Variants in CCDC149 observed in about 807,000 individuals in gnomAD.
The protein encoded by CCDC149 is coiled-coil domain containing 149.
CCDC149 carries 45 observed loss-of-function variants against 59.9 expected under a neutral mutation model. That is an observed-to-expected ratio of 0.75 (90% CI 0.59 to 0.96). The LOEUF is 0.96. CCDC149 is among the 40% of genes least tolerant of loss of function. The pLI is 0.00. For synonymous variants in CCDC149, 245 were observed against 260.6 expected (o/e 0.94, Z 0.58); for missense variants, 584 against 664.7 (o/e 0.88, Z 1.33).
chr4:24,942,196 C>A (rs1722973984), intron 1 of CCDC149, among the ~76,000 whole-genome samples: 1 of 152,180 alleles, frequency 6.6e-6, no homozygotes, highest in South Asian at 2.1e-4. Flanking sequence ...AGCTTATCCA[C>A]CATGATCAAG....
At chr4:24,917,916 T>C (rs1246623067), upstream of CCDC149, among the ~76,000 whole-genome samples, 1 of 152,096 alleles carries the variant, frequency 6.6e-6, no homozygotes, top group African/African-American at 2.4e-5. Context: ...GTTAGCAGCA[T>C]GGCCCTTGGC....
intron 1 of CCDC149, among the ~76,000 whole-genome samples, chr4:24,955,962 C>T (rs1723452319): frequency 2.6e-5 from 4 of 152,190 alleles, no homozygotes; most frequent in Admixed American, 2.6e-4. Context: ...CACACCCTTC[C>T]TACAACCCCA....
At chr4:24,970,960 C>T (rs1402713908) in intron 1 of CCDC149, among the ~76,000 whole-genome samples, 2 of 152,190 alleles carry the variant, frequency 1.3e-5, no homozygotes, top group African/African-American at 2.4e-5. Flanking sequence ...GAGTGGCCCT[C>T]ATCCTGTTAT....
chr4:24,906,405 A>ATTTTATTTTGTTTTG (rs1350670006), intron 1 of CCDC149, among the ~76,000 whole-genome samples: 1 of 142,258 alleles, frequency 7.0e-6, no homozygotes, highest in Non-Finnish European at 1.5e-5. Context: ...ATTTTATTTT[A>ATTTTATTTTGTTTTG]TTTTACTTTA....
At chr4:24,955,260 A>G (rs530779434) in intron 1 of CCDC149, among the ~76,000 whole-genome samples, 67 of 152,332 alleles carry the variant, frequency 4.4e-4, no homozygotes, top group Admixed American at 1.1e-3. Flanking sequence ...CTCACACAGC[A>G]GAAGGCAGAA....
chr4:24,913,695 G>A (rs558210580), upstream of CCDC149, among the ~76,000 whole-genome samples: 3 of 152,324 alleles, frequency 2.0e-5, no homozygotes, highest in African/African-American at 7.2e-5. Context: ...TGTAATCCCA[G>A]CACCTTGGGA....
chr4:24,882,594 T>C (rs539283333), intron 1 of CCDC149, among the ~76,000 whole-genome samples: 1 of 152,328 alleles, frequency 6.6e-6, no homozygotes, highest in South Asian at 2.1e-4. Context: ...ATCTCGTCAG[T>C]GACCTAAGCT....
At chr4:24,944,060 A>G (rs1723032500) in intron 1 of CCDC149, among the ~76,000 whole-genome samples, 1 of 152,234 alleles carries the variant, frequency 6.6e-6, no homozygotes, top group African/African-American at 2.4e-5. Context: ...GTATATACCC[A>G]AAGGATTATA....
chr4:24,824,439 A>C (rs1273859205), intron 9 of CCDC149, among the ~76,000 whole-genome samples: 1 of 152,168 alleles, frequency 6.6e-6, no homozygotes, highest in African/African-American at 2.4e-5. Context: ...ACAGTCAACT[A>C]ATCTTTCCGG....
At chr4:24,850,541 A>G (rs1036401202) in intron 4 of CCDC149, among the ~76,000 whole-genome samples, 1 of 152,138 alleles carries the variant, frequency 6.6e-6, no homozygotes, top group African/African-American at 2.4e-5. Flanking sequence ...AGCACAGCAA[A>G]GGGGCTGAAA....
At chr4:24,855,449 C>T (rs1426514370) in intron 3 of CCDC149, among the ~76,000 whole-genome samples, 2 of 151,922 alleles carry the variant, frequency 1.3e-5, no homozygotes, top group Non-Finnish European at 2.9e-5. Flanking sequence ...GCCTATAGTC[C>T]CAGCTACAGT....
chr4:24,861,426 T>C (rs1577421126), intron 3 of CCDC149, among the ~76,000 whole-genome samples: 1 of 151,842 alleles, frequency 6.6e-6, no homozygotes, highest in Non-Finnish European at 1.5e-5. Context: ...TATGTGGGAG[T>C]TAAGCTATGA....
Position 24,961,825 on chromosome 4 carries a change from A to G in CCDC149, c.-65+18244T>C, listed in dbSNP as rs565663214. 1.1e-4 allele frequency among the ~76,000 whole-genome samples: 16 copies of G among 152,336 alleles called. No individual in the cohort carries two copies. The South Asian group carries it at 3.3e-3, about 32-fold the overall frequency. Reference sequence around the variant, plus strand: ...AAAATTAATTCAAGATGGATTAAAGACTTAAATGTTAGACCTAAAACCATA... The same window carrying G: ...AAAATTAATTCAAGATGGATTAAAGGCTTAAATGTTAGACCTAAAACCATA... On this transcript the variant is annotated intron_variant, in intron 1 of 12. Coordinates refer to the CCDC149 transcript ENST00000389609.
intron 8 of CCDC149, among the ~76,000 whole-genome samples, chr4:24,832,558 C>T (rs1303171949): frequency 6.6e-6 from 1 of 152,146 alleles, no homozygotes; most frequent in Non-Finnish European, 1.5e-5. Context: ...ATATATCCTG[C>T]CCTGGATGAG....
At chr4:24,883,792 T>A (rs1719990404) in intron 1 of CCDC149, among the ~76,000 whole-genome samples, 1 of 152,190 alleles carries the variant, frequency 6.6e-6, no homozygotes, top group South Asian at 2.1e-4. Context: ...CAGTCAACAC[T>A]CTGACAGGTG....
At chr4:24,882,263 T>G (rs184474207) in intron 1 of CCDC149, among the ~76,000 whole-genome samples, 1 of 152,186 alleles carries the variant, frequency 6.6e-6, no homozygotes, top group Non-Finnish European at 1.5e-5. Context: ...GGGAGCCAAG[T>G]GGAAACAGTA....
intron 12 of CCDC149, among the ~76,000 whole-genome samples, chr4:24,813,528 A>ATATATATATATATATATATAT (rs1560197749): frequency 7.7e-6 from 1 of 129,852 alleles, no homozygotes; most frequent in African/African-American, 2.8e-5. Flanking sequence ...ATATATATAT[A>ATATATATATATATATATATAT]AAACCTAAAA....
chr4:24,877,513 C>T (rs537421590), intron 1 of CCDC149, among the ~76,000 whole-genome samples: 6 of 152,072 alleles, frequency 3.9e-5, no homozygotes, highest in East Asian at 3.9e-4. Flanking sequence ...AAAAAAAATG[C>T]CCAAAAAGTT....
At chr4:24,918,947 T>C (rs1272968880) in intron 1 of CCDC149, among the ~76,000 whole-genome samples, 3 of 152,346 alleles carry the variant, frequency 2.0e-5, no homozygotes, top group African/African-American at 7.2e-5. Context: ...TAACAGAAAC[T>C]CAAATGGCAA....
Sources: allele counts gnomAD v4.1 joint callset (sites outside exome capture counted in the v4.1 genomes callset), GRCh38; gene constraint gnomAD v4.1.1; transcripts MANE v1.5; gene names NCBI Gene and HGNC (gene_info 2026-07-23, HGNC 2026-07-21).